ITGA4: variants seen among roughly 807,000 people sequenced by gnomAD.
ITGA4 encodes the protein integrin alpha-4.
In ITGA4, 63 loss-of-function variants were observed where a neutral mutation model predicts 133.6. The ratio of observed to expected loss-of-function variants is 0.47; its 90% CI spans 0.38 to 0.58. The LOEUF (loss-of-function observed/expected upper bound fraction) is 0.58, where lower values mean the gene tolerates loss of function less well. ITGA4 is among the 20% of genes least tolerant of loss of function. ITGA4 has a pLI of 0.00. For missense variants in ITGA4, 1,076 were observed against 1,252.7 expected (o/e 0.86, Z 2.13); for synonymous variants, 483 against 438.0 (o/e 1.10, Z -1.28).
At position 181,466,656 on chromosome 2, in the gene ITGA4, G is replaced by C. The variant is rs1685423860; in HGVS notation, c.320-8304G>C. Reference sequence around the variant, plus strand: ...TTATCTTTTAGAAACATTGCCACCAGGTTTAACTAGATGTGTGAAAAGAGT... The same window carrying C: ...TTATCTTTTAGAAACATTGCCACCACGTTTAACTAGATGTGTGAAAAGAGT... On this transcript the variant is annotated intron_variant, in intron 2 of 27. Coordinates refer to ENST00000397033, the MANE Select transcript of ITGA4 (RefSeq NM_000885.6). Among the ~76,000 whole-genome samples the C allele has an allele frequency of 6.6e-5, 10 of 152,118 alleles. No homozygotes were observed. The South Asian group carries it at 2.1e-3, about 32-fold the overall frequency.
At chr2:181,481,490 TGTA>T (rs1685802704) in intron 6 of ITGA4, 105 bp from the exon 7 acceptor site, 1 of 444,564 alleles carries the variant, frequency 2.2e-6, no homozygotes, top group Admixed American at 3.4e-5. Context: ...AACTGCTTAA[TGTA>T]GTGATTTTGA....
chr2:181,508,792 T>C (rs2105755215), intron 15 of ITGA4, among the ~76,000 whole-genome samples: 1 of 152,072 alleles, frequency 6.6e-6, no homozygotes, highest in South Asian at 2.1e-4. Flanking sequence ...ACAAAACAAA[T>C]ACTTTTCCTA....
intron 17 of ITGA4, among the ~76,000 whole-genome samples, chr2:181,517,734 G>A (rs186173308): frequency 2.4e-4 from 36 of 152,052 alleles, no homozygotes; most frequent in African/African-American, 8.4e-4. Context: ...TATGGTAATG[G>A]GGCAAAACAG....
At chr2:181,497,176 G>A (rs1686173745) in intron 14 of ITGA4, among the ~76,000 whole-genome samples, 1 of 152,138 alleles carries the variant, frequency 6.6e-6, no homozygotes. Flanking sequence ...GACACACATT[G>A]AGTAGATGAC....
At chr2:181,481,180 T>G (rs1278231813) in intron 6 of ITGA4, among the ~76,000 whole-genome samples, 1 of 152,186 alleles carries the variant, frequency 6.6e-6, no homozygotes, top group Non-Finnish European at 1.5e-5. Flanking sequence ...TACGAACAAT[T>G]TTTTGTCATC....
intron 10 of ITGA4, among the ~76,000 whole-genome samples, chr2:181,487,487 T>C (rs1279558332): frequency 6.6e-6 from 1 of 152,214 alleles, no homozygotes; most frequent in African/African-American, 2.4e-5. Context: ...AGGTCAGCGC[T>C]GCTCCTATGC....
intron 14 of ITGA4, among the ~76,000 whole-genome samples, chr2:181,496,543 C>G (rs372722986): frequency 6.6e-6 from 1 of 152,146 alleles, no homozygotes; most frequent in African/African-American, 2.4e-5. Context: ...TCCTAAGAAC[C>G]GTCACCTATG....
At chr2:181,458,159 C>T in intron 1 of ITGA4, 37 bp from the exon 2 acceptor site, 2 of 1,613,496 alleles carry the variant, frequency 1.2e-6, no homozygotes, top group Non-Finnish European at 1.7e-6. Context: ...GGCAGCACAG[C>T]TCACGTCTGA....
At chr2:181,530,210 G>C (rs1412428255) in intron 23 of ITGA4, among the ~76,000 whole-genome samples, 6 of 152,142 alleles carry the variant, frequency 3.9e-5, no homozygotes, top group Non-Finnish European at 8.8e-5. Flanking sequence ...GTGTTATATT[G>C]TTTCGCCTAT....
In ITGA4 at chr2:181,498,782, T is replaced by A; in HGVS notation, c.1695+5T>A. The A allele has an allele frequency of 6.3e-7, 1 of 1,585,720 alleles. No homozygotes were observed. Among genetic ancestry groups the A allele is most frequent in the Non-Finnish European group, 8.6e-7 (1 of 1,168,252 alleles). Reference sequence around the variant, plus strand: ...ACACATCAAGCATTTATGCGGGTAATGTAAGCTATTTTTTATTAATGAATA... The same window carrying A: ...ACACATCAAGCATTTATGCGGGTAAAGTAAGCTATTTTTTATTAATGAATA... On this transcript the variant is annotated splice_donor_5th_base_variant and intron_variant, in intron 15 of 27. Transcript: ENST00000397033.
At position 181,516,319 on chromosome 2, in the gene ITGA4, A is replaced by T. The variant is rs941256811; in HGVS notation, c.1922+4544A>T. ...GTTTTAGAGTAATTAACTAATAGTGACTTAAACAATAAAGATATTATTTCG... is the reference window on the plus strand; with the variant it reads ...GTTTTAGAGTAATTAACTAATAGTGTCTTAAACAATAAAGATATTATTTCG... On this transcript the variant is annotated intron_variant, in intron 17 of 27. Transcript: ENST00000397033. The surrounding 1 kb of genome is among the most constrained non-coding windows in gnomAD (Gnocchi z 4.0). 1.3e-5 allele frequency among the ~76,000 whole-genome samples: 2 copies of T among 152,184 alleles called. No individual in the cohort carries two copies. The highest frequency in any genetic ancestry group is 4.8e-5 in the African/African-American group (2 of 41,540).
intron 4 of ITGA4, among the ~76,000 whole-genome samples, chr2:181,476,821 C>T (rs1215810829): frequency 3.3e-5 from 5 of 152,136 alleles, no homozygotes; most frequent in Non-Finnish European, 5.9e-5. Context: ...TTTGCAGCAA[C>T]TTATATGGAG....
In ITGA4 at chr2:181,495,572, CAG is replaced by C. The variant is rs1276920781; in HGVS notation, c.1385+160_1385+161del. 3.6e-4 allele frequency among the ~76,000 whole-genome samples: 55 copies of C among 152,082 alleles called. No homozygotes were observed. The highest frequency in any genetic ancestry group is 2.9e-5 in the Non-Finnish European group (2 of 67,994). The stretch of plus-strand genomic sequence containing the variant: ...TTTTTAGGGTATTTTTTTCACCTTA[CAG>C]AGATATAATTAAATCATCAAAGTCA... On this transcript the variant is annotated intron_variant, in intron 13 of 27. Transcript: ENST00000397033. This position sits in a 1 kb window ranked among gnomAD's most constrained non-coding sequence, Gnocchi z 4.3.
intron 4 of ITGA4, among the ~76,000 whole-genome samples, chr2:181,476,796 A>G (rs1486275911): frequency 6.6e-6 from 1 of 152,220 alleles, no homozygotes; most frequent in Non-Finnish European, 1.5e-5. Context: ...CATAAAAAAT[A>G]ACGAGATTAT....
At chr2:181,468,496 G>T (rs1685475613) in intron 2 of ITGA4, among the ~76,000 whole-genome samples, 1 of 152,106 alleles carries the variant, frequency 6.6e-6, no homozygotes, top group Non-Finnish European at 1.5e-5. Flanking sequence ...TGGGAATGCT[G>T]CTGTCAACAA....
chr2:181,507,577 C>T (rs11686167), intron 15 of ITGA4, among the ~76,000 whole-genome samples: 38,026 of 151,864 alleles, frequency 0.25, 5,245 homozygotes, highest in Non-Finnish European at 0.31. Context: ...ATTCCAGGAC[C>T]CCACTTGGAT....
chr2:181,478,653 A>G (rs1685735433), intron 4 of ITGA4, 104 bp from the exon 5 acceptor site: 1 of 472,218 alleles, frequency 2.1e-6, no homozygotes, highest in Non-Finnish European at 3.8e-6. Context: ...TAAAAAATAC[A>G]AACTATAGAC....
At chr2:181,525,544 G>A (rs1686816567) in intron 21 of ITGA4, among the ~76,000 whole-genome samples, 1 of 152,156 alleles carries the variant, frequency 6.6e-6, no homozygotes. Flanking sequence ...GCCCCAACAA[G>A]CTAGCAAGGC....
At chr2:181,496,509 T>A (rs1184759733) in intron 14 of ITGA4, among the ~76,000 whole-genome samples, 1 of 152,198 alleles carries the variant, frequency 6.6e-6, no homozygotes, top group Non-Finnish European at 1.5e-5. Flanking sequence ...ATATGCTTGT[T>A]AATAATTTAC....
Sources: allele counts gnomAD v4.1 joint callset (sites outside exome capture counted in the v4.1 genomes callset), GRCh38; gene constraint gnomAD v4.1.1; non-coding constraint Gnocchi (gnomAD v3.1); transcripts MANE v1.5; gene names NCBI Gene and HGNC (gene_info 2026-07-23, HGNC 2026-07-21).